The following OLA1 variants were observed in gnomAD, a reference collection of about 807,000 sequenced individuals.
OLA1 encodes obg-like ATPase 1.
OLA1 carries 14 observed loss-of-function variants against 48.4 expected under a neutral mutation model. The observed-to-expected ratio is 0.29, with a 90% CI of 0.19 to 0.45. OLA1 has a LOEUF of 0.45. Ranked by LOEUF, OLA1 falls within the 20% of genes least tolerant of loss-of-function variation. OLA1 has a pLI of 1.00. For synonymous variants in OLA1, 127 were observed against 150.4 expected (o/e 0.84, Z 1.14); for missense variants, 325 against 467.1 (o/e 0.70, Z 2.80).
intron 4 of OLA1, among the ~76,000 whole-genome samples, chr2:174,220,731 A>C (rs2105448934): frequency 6.6e-6 from 1 of 152,330 alleles, no homozygotes; most frequent in Non-Finnish European, 1.5e-5. Context: ...ACATATTTCT[A>C]ATAGCCAAGG....
intron 7 of OLA1, among the ~76,000 whole-genome samples, chr2:174,083,905 CAAGAT>C (rs1465651030): frequency 2.6e-5 from 4 of 152,068 alleles, no homozygotes; most frequent in Admixed American, 2.6e-4. Flanking sequence ...TATGAAACAA[CAAGAT>C]AAGAAATAAT....
chr2:174,136,441 A>G (rs1013493458), intron 5 of OLA1, among the ~76,000 whole-genome samples: 1 of 152,224 alleles, frequency 6.6e-6, no homozygotes, highest in Non-Finnish European at 1.5e-5. Context: ...TTGCTCACCC[A>G]TAACAGGCAA....
intron 4 of OLA1, among the ~76,000 whole-genome samples, chr2:174,203,392 C>T (rs1688032372): frequency 6.6e-6 from 1 of 151,886 alleles, no homozygotes; most frequent in African/African-American, 2.4e-5. Context: ...CTGCCAATTA[C>T]AGCAAACCAG....
At chr2:174,237,826 C>T (rs1015785654) in intron 2 of OLA1, among the ~76,000 whole-genome samples, 14 of 152,268 alleles carry the variant, frequency 9.2e-5, no homozygotes, top group Middle Eastern at 3.4e-3. Context: ...TCAAGTATTA[C>T]GTACTGTACA....
chr2:174,168,632 G>C (rs73035731), intron 4 of OLA1, among the ~76,000 whole-genome samples: 4,083 of 152,068 alleles, frequency 0.027, 171 homozygotes, highest in African/African-American at 0.092. Context: ...TGCACACAAT[G>C]AACTGGGAGA....
intron 4 of OLA1, among the ~76,000 whole-genome samples, chr2:174,147,881 T>C (rs912922355): frequency 7.2e-5 from 11 of 152,204 alleles, no homozygotes; most frequent in African/African-American, 2.7e-4. Context: ...TGGAGTGTAG[T>C]GGTGGGATCT....
chr2:174,124,885 T>A (rs1686012664), intron 5 of OLA1, among the ~76,000 whole-genome samples: 1 of 152,166 alleles, frequency 6.6e-6, no homozygotes, highest in Non-Finnish European at 1.5e-5. Context: ...AAGCCTTATA[T>A]CCTTAGATCC....
chr2:174,181,282 C>T (rs527345687), intron 4 of OLA1, among the ~76,000 whole-genome samples: 11 of 152,074 alleles, frequency 7.2e-5, no homozygotes, highest in East Asian at 3.9e-4. Flanking sequence ...TAAAAGGAAT[C>T]GAATGTGAAG....
At chr2:174,150,335 T>A (rs1221008747) in intron 4 of OLA1, among the ~76,000 whole-genome samples, 1 of 152,088 alleles carries the variant, frequency 6.6e-6, no homozygotes, top group African/African-American at 2.4e-5. Context: ...CTACAGAAAG[T>A]CCCCACTAGC....
At chr2:174,232,304 T>C (rs145693941) in intron 2 of OLA1, among the ~76,000 whole-genome samples, 91 of 152,328 alleles carry the variant, frequency 6.0e-4, no homozygotes, top group African/African-American at 2.0e-3. Flanking sequence ...CTGAATTAAC[T>C]ATTTATATAT....
intron 7 of OLA1, among the ~76,000 whole-genome samples, chr2:174,117,788 C>T (rs933250947): frequency 6.6e-6 from 1 of 152,174 alleles, no homozygotes; most frequent in Non-Finnish European, 1.5e-5. Flanking sequence ...CTATCTTGAA[C>T]CTCCATTCTA....
chr2:174,212,120 A>G (rs1276914136), intron 4 of OLA1, among the ~76,000 whole-genome samples: 5 of 152,196 alleles, frequency 3.3e-5, no homozygotes, highest in East Asian at 1.9e-4. Flanking sequence ...CAATTTCATC[A>G]TTATGTGAAC....
chr2:174,132,287 A>T (rs1022853195), intron 5 of OLA1, among the ~76,000 whole-genome samples: 1 of 151,976 alleles, frequency 6.6e-6, no homozygotes, highest in Non-Finnish European at 1.5e-5. Context: ...AGTGTTTTCA[A>T]ACGACGAACT....
At chr2:174,154,858 T>C (rs1249872769) in intron 4 of OLA1, among the ~76,000 whole-genome samples, 2 of 152,202 alleles carry the variant, frequency 1.3e-5, no homozygotes, top group Non-Finnish European at 2.9e-5. Context: ...TTTTCTAACA[T>C]TGGCACCCAC....
intron 4 of OLA1, among the ~76,000 whole-genome samples, chr2:174,170,460 C>G (rs996468032): frequency 6.6e-6 from 1 of 151,954 alleles, no homozygotes; most frequent in African/African-American, 2.4e-5. Context: ...ACAGAAGCAA[C>G]AAATAAAACA....
chr2:174,234,147 C>T (rs1284802721), intron 2 of OLA1, among the ~76,000 whole-genome samples: 1 of 152,160 alleles, frequency 6.6e-6, no homozygotes, highest in African/African-American at 2.4e-5. Flanking sequence ...ACCCACTCAA[C>T]ATGAAGACAA....
intron 4 of OLA1, among the ~76,000 whole-genome samples, chr2:174,199,139 G>A (rs1687938460): frequency 6.6e-6 from 1 of 152,184 alleles, no homozygotes; most frequent in African/African-American, 2.4e-5. Context: ...GTTGTTAAAG[G>A]AAAGCATTTG....
chr2:174,204,288 C>T (rs1215886720), intron 4 of OLA1, among the ~76,000 whole-genome samples: 1 of 151,980 alleles, frequency 6.6e-6, no homozygotes, highest in Non-Finnish European at 1.5e-5. Flanking sequence ...GTAGTCCCAG[C>T]TACTCGGGAG....
chr2:174,123,082 T>G, intron 7 of OLA1, 98 bp downstream of exon 7: 1 of 614,664 alleles, frequency 1.6e-6, no homozygotes, highest in Non-Finnish European at 2.8e-6. Flanking sequence ...AGAAAAATAT[T>G]AAAATTAAAC....
Sources: allele counts gnomAD v4.1 joint callset (sites outside exome capture counted in the v4.1 genomes callset), GRCh38; gene constraint gnomAD v4.1.1; transcripts MANE v1.5; gene names NCBI Gene and HGNC (gene_info 2026-07-23, HGNC 2026-07-21).